Variants in KCNJ6 observed in about 807,000 individuals in gnomAD.
KCNJ6 encodes the protein potassium inwardly rectifying channel subfamily J member 6.
KCNJ6 carries 9 observed loss-of-function variants against 34.2 expected under a neutral mutation model. That is an observed-to-expected ratio of 0.26 (90% CI 0.16 to 0.46). The LOEUF (loss-of-function observed/expected upper bound fraction) is 0.46. Among genes scored for constraint, KCNJ6 ranks in the 20% least tolerant of loss-of-function variants. The pLI is 1.00. For synonymous variants in KCNJ6, 196 were observed against 207.1 expected, an observed-to-expected ratio of 0.95 and a Z score of 0.46; for missense variants, 236 against 531.3, an observed-to-expected ratio of 0.44 and a Z score of 5.46.
intron 3 of KCNJ6, among the ~76,000 whole-genome samples, chr21:37,651,990 G>T (rs1459079083): frequency 1.3e-5 from 2 of 152,144 alleles, no homozygotes; most frequent in African/African-American, 4.8e-5. Flanking sequence ...AGGTAAATTT[G>T]GGAGTCACTG....
chr21:37,632,910 T>C (rs1472097419), intron 3 of KCNJ6, among the ~76,000 whole-genome samples: 1 of 152,138 alleles, frequency 6.6e-6, no homozygotes, highest in African/African-American at 2.4e-5. Flanking sequence ...CAATGAAATA[T>C]TCTAGGAAGA....
intron 3 of KCNJ6, among the ~76,000 whole-genome samples, chr21:37,677,007 T>C (rs564719205): frequency 6.6e-6 from 1 of 152,308 alleles, no homozygotes; most frequent in Non-Finnish European, 1.5e-5. Flanking sequence ...CCCAGTTGAC[T>C]AGGAAGAGGG....
intron 2 of KCNJ6, among the ~76,000 whole-genome samples, chr21:37,735,512 G>A (rs1389291802): frequency 6.6e-6 from 1 of 152,180 alleles, no homozygotes; most frequent in African/African-American, 2.4e-5. Flanking sequence ...CCTTCTCACT[G>A]AAGCTCTCAG....
chr21:37,793,545 CAAAAAAAAAA>C (rs954872713), intron 2 of KCNJ6, among the ~76,000 whole-genome samples: 74 of 19,900 alleles, frequency 3.7e-3, no homozygotes, highest in African/African-American at 0.011. Flanking sequence ...GACTCCATCT[CAAAAAAAAAA>C]AAAAAAAAAA....
chr21:37,874,077 C>T (rs1344212304), intron 1 of KCNJ6, among the ~76,000 whole-genome samples: 1 of 152,174 alleles, frequency 6.6e-6, no homozygotes. Context: ...CTCCATCTCT[C>T]TTAAACTCAT....
chr21:37,872,384 A>T (rs2055656889), intron 1 of KCNJ6, among the ~76,000 whole-genome samples: 1 of 152,184 alleles, frequency 6.6e-6, no homozygotes, highest in Non-Finnish European at 1.5e-5. Context: ...TGGATCTTAC[A>T]AAGTCAAAGG....
chr21:37,634,940 T>C (rs1237616976), intron 3 of KCNJ6, among the ~76,000 whole-genome samples: 1 of 152,050 alleles, frequency 6.6e-6, no homozygotes, highest in East Asian at 1.9e-4. Flanking sequence ...GTATTTTTTG[T>C]AGAGATGGGT....
chr21:37,693,408 G>A (rs778158668), intron 3 of KCNJ6, among the ~76,000 whole-genome samples: 24 of 152,184 alleles, frequency 1.6e-4, no homozygotes, highest in Non-Finnish European at 1.8e-4. Context: ...AATGAACCAC[G>A]GCGGATGAGT....
intron 2 of KCNJ6, among the ~76,000 whole-genome samples, chr21:37,748,878 C>G (rs2054980612): frequency 6.6e-6 from 1 of 152,132 alleles, no homozygotes; most frequent in Admixed American, 6.5e-5. Flanking sequence ...AGTCCAGGAA[C>G]AAAACCGTGG....
Position 37,814,886 on chromosome 21 carries a change from G to C in KCNJ6, c.25+25772C>G, listed in dbSNP as rs146443716. 2.3e-3 allele frequency among the ~76,000 whole-genome samples: 277 copies of C among 120,510 alleles called. 1 individual carries two copies. Among genetic ancestry groups the C allele is most frequent in the Non-Finnish European group, 3.7e-3 (237 of 63,500 alleles). The allele number at this position is 120,510 out of a possible 152,430, so 79.1% of individuals were successfully genotyped here. ...CACTCCAGCCTGGGTGACAGAGCGA[G>C]ACTCTGTCTCAAAAAAAAAAAAAAA... On this transcript the variant is annotated intron_variant, in intron 2 of 3. Transcript: ENST00000609713.
intron 2 of KCNJ6, among the ~76,000 whole-genome samples, chr21:37,824,104 G>GA (rs1473312173): frequency 6.6e-6 from 1 of 152,114 alleles, no homozygotes. Context: ...GAGGTGGGGG[G>GA]AAAAAGAGAC....
At chr21:37,790,307 G>C (rs2055211051) in intron 2 of KCNJ6, among the ~76,000 whole-genome samples, 1 of 152,188 alleles carries the variant, frequency 6.6e-6, no homozygotes, top group Non-Finnish European at 1.5e-5. Context: ...ATCAAAGGAA[G>C]ATGAAAAGGA....
chr21:37,911,242 A>C (rs2055865665), intron 1 of KCNJ6, among the ~76,000 whole-genome samples: 1 of 152,166 alleles, frequency 6.6e-6, no homozygotes, highest in African/African-American at 2.4e-5. Flanking sequence ...GCACTTCAAA[A>C]TGTATTTTTA....
chr21:37,696,621 G>T (rs1327908287), intron 3 of KCNJ6, among the ~76,000 whole-genome samples: 1 of 152,052 alleles, frequency 6.6e-6, no homozygotes, highest in Admixed American at 6.6e-5. Flanking sequence ...AAGAAGAAAT[G>T]GTTGGAAAAA....
chr21:37,857,124 T>C (rs2055569363), intron 1 of KCNJ6, among the ~76,000 whole-genome samples: 1 of 152,244 alleles, frequency 6.6e-6, no homozygotes, highest in South Asian at 2.1e-4. Flanking sequence ...CAGAGACTTT[T>C]GTCTCCTTTG....
In KCNJ6 at chr21:37,777,366, C is replaced by A. The variant is rs564009220; in HGVS notation, c.26-62235G>T. 6.6e-5 allele frequency among the ~76,000 whole-genome samples: 10 copies of A among 152,228 alleles called. No individual in the cohort carries two copies. The East Asian group carries it at 1.5e-3, about 24-fold the overall frequency. On this transcript the variant is annotated intron_variant, in intron 2 of 3. Coordinates refer to ENST00000609713, the MANE Select transcript of KCNJ6 (RefSeq NM_002240.5). Reference sequence around the variant, plus strand: ...CTCTTTTCTTTCTTTCTTGTCCTTTCCCCAGTGGCCAGCCTCACTTTCCCT... The same window carrying A: ...CTCTTTTCTTTCTTTCTTGTCCTTTACCCAGTGGCCAGCCTCACTTTCCCT...
At chr21:37,887,796 C>T (rs1318297839) in intron 1 of KCNJ6, among the ~76,000 whole-genome samples, 1 of 152,218 alleles carries the variant, frequency 6.6e-6, no homozygotes, top group Non-Finnish European at 1.5e-5. Context: ...ACTTCCAGCC[C>T]TTCACCATGA....
chr21:37,896,581 T>C (rs2055789487), intron 1 of KCNJ6, among the ~76,000 whole-genome samples: 1 of 152,170 alleles, frequency 6.6e-6, no homozygotes, highest in Admixed American at 6.5e-5. Flanking sequence ...GCCACTTTTC[T>C]TGGGTCTCCA....
intron 1 of KCNJ6, among the ~76,000 whole-genome samples, chr21:37,915,023 TAA>T (rs2055886736): frequency 6.6e-6 from 1 of 152,104 alleles, no homozygotes; most frequent in African/African-American, 2.4e-5. Context: ...CTGTTTCTAT[TAA>T]GATATATTTT....
Sources: allele counts gnomAD v4.1 joint callset (sites outside exome capture counted in the v4.1 genomes callset), GRCh38; gene constraint gnomAD v4.1.1; transcripts MANE v1.5; gene names NCBI Gene and HGNC (gene_info 2026-07-23, HGNC 2026-07-21).